ELF1: variants seen among roughly 807,000 people sequenced by gnomAD.
ELF1 encodes the protein ETS-related transcription factor Elf-1.
In ELF1, 24 loss-of-function variants were observed where a neutral mutation model predicts 59.9. That is an observed-to-expected ratio of 0.40 (90% CI 0.29 to 0.56). The LOEUF (loss-of-function observed/expected upper bound fraction) is 0.56. ELF1 is among the 20% of genes least tolerant of loss of function. The pLI, the probability that ELF1 is intolerant of heterozygous loss-of-function variation, is 0.44. For missense variants in ELF1, 627 were observed against 742.2 expected (o/e 0.84, Z 1.80); for synonymous variants, 248 against 266.2 (o/e 0.93, Z 0.67).
chr13:41,042,580 T>G (rs536954298), intron 1 of ELF1, among the ~76,000 whole-genome samples: 1 of 152,144 alleles, frequency 6.6e-6, no homozygotes, highest in Non-Finnish European at 1.5e-5. Context: ...GTCCTTGCGA[T>G]AGTTTGCTGA....
At chr13:40,980,407 T>G (rs1263636887) in intron 2 of ELF1, among the ~76,000 whole-genome samples, 1 of 152,180 alleles carries the variant, frequency 6.6e-6, no homozygotes, top group Non-Finnish European at 1.5e-5. Context: ...ATGTACATGC[T>G]GATGTTAAGC....
chr13:41,024,054 T>C (rs534067204), upstream of ELF1, among the ~76,000 whole-genome samples: 15 of 152,348 alleles, frequency 9.8e-5, no homozygotes, highest in Non-Finnish European at 8.8e-5. Context: ...TATGATTATA[T>C]TCTTTATAAA....
At chr13:40,987,030 G>A (rs1593380460) in intron 1 of ELF1, among the ~76,000 whole-genome samples, 1 of 143,336 alleles carries the variant, frequency 7.0e-6, no homozygotes, top group East Asian at 2.1e-4. Context: ...CCGCCTCCCG[G>A]GTTCACGCCA....
intron 5 of ELF1, among the ~76,000 whole-genome samples, chr13:40,945,410 C>T (rs1870443437): frequency 6.6e-6 from 1 of 152,096 alleles, no homozygotes; most frequent in Non-Finnish European, 1.5e-5. Flanking sequence ...TTCTTCCAGC[C>T]TCTCCTGAGA....
At chr13:41,011,815 A>G (rs1875081569) in intron 1 of ELF1, among the ~76,000 whole-genome samples, 2 of 147,302 alleles carry the variant, frequency 1.4e-5, no homozygotes, top group Admixed American at 1.3e-4. Context: ...CAGGTCTCAA[A>G]CTCCTGGGGT....
At chr13:40,986,358 T>C (rs569138036) in intron 1 of ELF1, among the ~76,000 whole-genome samples, 64 of 152,340 alleles carry the variant, frequency 4.2e-4, no homozygotes, top group African/African-American at 1.5e-3. Context: ...AGCTGTTGTG[T>C]AGATGCAAAA....
intron 1 of ELF1, among the ~76,000 whole-genome samples, chr13:41,014,388 T>A (rs1875240902): frequency 6.6e-6 from 1 of 152,082 alleles, no homozygotes; most frequent in African/African-American, 2.4e-5. Context: ...GCATAGAAAT[T>A]TGTATATCCA....
chr13:41,057,443 G>A (rs754351261), intron 1 of ELF1, among the ~76,000 whole-genome samples: 8 of 151,520 alleles, frequency 5.3e-5, no homozygotes, highest in Non-Finnish European at 1.5e-5. Flanking sequence ...TCCAAGGCTG[G>A]AGTGCAGTGG....
chr13:40,963,717 G>T (rs1871995509), intron 2 of ELF1, among the ~76,000 whole-genome samples: 1 of 152,104 alleles, frequency 6.6e-6, no homozygotes, highest in South Asian at 2.1e-4. Flanking sequence ...GAACATCCTG[G>T]CCAACATGGT....
intron 5 of ELF1, among the ~76,000 whole-genome samples, chr13:40,944,258 T>C (rs752223947): frequency 3.3e-5 from 5 of 152,254 alleles, no homozygotes; most frequent in Non-Finnish European, 7.3e-5. Flanking sequence ...TTTTGGAGAA[T>C]GCTCTTGACA....
intron 8 of ELF1, among the ~76,000 whole-genome samples, chr13:40,939,585 G>A (rs1387325026): frequency 2.6e-5 from 4 of 152,008 alleles, no homozygotes; most frequent in African/African-American, 9.7e-5. Flanking sequence ...CAGGGCCTAG[G>A]GAAATATAAA....
chr13:40,987,112 T>C (rs1225300706), intron 1 of ELF1, among the ~76,000 whole-genome samples: 4 of 150,110 alleles, frequency 2.7e-5, no homozygotes, highest in Admixed American at 6.6e-5. Flanking sequence ...ATTTTTTGTA[T>C]TTTTTAGTAG....
chr13:41,001,936 T>G (rs773771118), intron 1 of ELF1, among the ~76,000 whole-genome samples: 19 of 152,106 alleles, frequency 1.2e-4, no homozygotes, highest in Non-Finnish European at 2.8e-4. Context: ...TGAAAGAAAC[T>G]TCTGTCTCTC....
chr13:40,968,331 G>A (rs1239742557), intron 2 of ELF1, among the ~76,000 whole-genome samples: 1 of 152,058 alleles, frequency 6.6e-6, no homozygotes, highest in African/African-American at 2.4e-5. Context: ...CAAAAAATTA[G>A]GGTGACTGGT....
intron 3 of ELF1, among the ~76,000 whole-genome samples, chr13:40,951,876 A>G (rs527834354): frequency 1.3e-5 from 2 of 152,022 alleles, no homozygotes; most frequent in African/African-American, 4.8e-5. Flanking sequence ...TAAAAAAAAA[A>G]AACAGAAACT....
chr13:41,061,076 G>C, exon 1 of ELF1: 1 of 195,990 alleles, frequency 5.1e-6, no homozygotes. Flanking sequence ...GCGACTCGCA[G>C]CGCCGGTCCC....
intron 1 of ELF1, among the ~76,000 whole-genome samples, chr13:40,991,118 C>T (rs536109947): frequency 4.6e-5 from 7 of 152,214 alleles, no homozygotes; most frequent in South Asian, 2.1e-4. Flanking sequence ...GGACATTCCA[C>T]GAAATACCAG....
chr13:41,007,271 T>C (rs1874812712), intron 1 of ELF1, among the ~76,000 whole-genome samples: 1 of 152,132 alleles, frequency 6.6e-6, no homozygotes, highest in African/African-American at 2.4e-5. Context: ...TATAACTCAT[T>C]TCTTTAATTC....
intron 1 of ELF1, among the ~76,000 whole-genome samples, chr13:41,010,300 A>G (rs1473546688): frequency 6.6e-6 from 1 of 151,620 alleles, no homozygotes; most frequent in African/African-American, 2.4e-5. Flanking sequence ...AAAACACAGA[A>G]AAGAAATTTG....
Sources: allele counts gnomAD v4.1 joint callset (sites outside exome capture counted in the v4.1 genomes callset), GRCh38; gene constraint gnomAD v4.1.1; transcripts MANE v1.5; gene names NCBI Gene and HGNC (gene_info 2026-07-23, HGNC 2026-07-21).